Variants in FAM20C observed in about 807,000 individuals in gnomAD.
FAM20C encodes FAM20C golgi associated secretory pathway kinase.
A neutral mutation model predicts 51.5 loss-of-function variants in FAM20C; 40 were observed. The ratio of observed to expected loss-of-function variants is 0.78; its 90% CI spans 0.60 to 1.01. The LOEUF is 1.01. Ranked by LOEUF, FAM20C falls within the 50% of genes least tolerant of loss-of-function variation. The pLI, the probability that FAM20C is intolerant of heterozygous loss-of-function variation, is 0.00. For synonymous variants in FAM20C, 406 were observed against 380.6 expected, an observed-to-expected ratio of 1.07 and a Z score of -0.78; for missense variants, 861 against 844.7, an observed-to-expected ratio of 1.02 and a Z score of -0.24.
intron 3 of FAM20C, among the ~76,000 whole-genome samples, chr7:218,113 A>G (rs1787089248): frequency 6.6e-6 from 1 of 152,168 alleles, no homozygotes; most frequent in African/African-American, 2.4e-5. Flanking sequence ...CCCGGGCCTC[A>G]GCCTCCTCGT....
rs565578160 is a variant in FAM20C, at chr7:246,314, C to T, written c.864-101C>T. 3.2e-4 allele frequency: 316 copies of T among 998,056 alleles called. 4 individuals carry two copies. The South Asian group carries it at 3.6e-3, about 12-fold the overall frequency. The allele number at this position is 998,056 out of a possible 1,614,324, so 61.8% of individuals were successfully genotyped here. ...TGGCCCTGAGGAGGCTGGAGCTCCA[C>T]CGCATTTTTCATATGAGGAACCCAG... On this transcript the variant is annotated intron_variant, in intron 3 of 9. Coordinates refer to ENST00000313766, the MANE Select transcript of FAM20C (RefSeq NM_020223.4).
chr7:210,655 C>T (rs1433779765), intron 3 of FAM20C, among the ~76,000 whole-genome samples: 1 of 152,126 alleles, frequency 6.6e-6, no homozygotes, highest in Non-Finnish European at 1.5e-5. Context: ...AGGAGCATCC[C>T]CTGGAGGGGT....
chr7:259,433 C>T (rs1025096829), intron 9 of FAM20C, among the ~76,000 whole-genome samples: 36 of 38,630 alleles, frequency 9.3e-4, no homozygotes, highest in Admixed American at 5.1e-3. Flanking sequence ...TCGTCTCTGC[C>T]GTCTCTATCT....
rs972824224 is a variant in FAM20C at position 193,550 on chromosome 7, C to G, written c.351C>G (p.Ala117=). The part of the protein sequence containing the change: ...LEKLPPAAEP[A]ERALRGRDPG... ...AACTGCCGCCCGCGGCCGAGCCGGC[C>G]GAGCGCGCCTTGCGGGGGCGGGATC... The change falls in exon 1 of 10, where the codon GCC becomes GCG. Residue 117 remains alanine, a synonymous_variant. Coordinates refer to ENST00000313766, the MANE Select transcript of FAM20C (RefSeq NM_020223.4). 13 of 1,495,534 alleles carry G rather than the reference C, an allele frequency of 8.7e-6. No individual in the cohort carries two copies. The highest frequency in any genetic ancestry group is 1.2e-5 in the Non-Finnish European group (13 of 1,119,844). 92.6% of individuals were successfully genotyped at this position (1,495,534 alleles called of 1,614,324 possible).
intron 5 of FAM20C, among the ~76,000 whole-genome samples, chr7:250,987 C>T (rs956011307): frequency 2.0e-5 from 3 of 152,246 alleles, no homozygotes; most frequent in African/African-American, 2.4e-5. Flanking sequence ...TTGAAAGAGA[C>T]GGTCACAGGG....
intron 3 of FAM20C, among the ~76,000 whole-genome samples, chr7:212,593 G>C (rs113682657): frequency 1.1e-4 from 16 of 152,314 alleles, no homozygotes; most frequent in African/African-American, 3.6e-4. Context: ...TGCGGTGAGA[G>C]GGTGTAGGTG....
chr7:216,387 GTA>G, intron 3 of FAM20C, among the ~76,000 whole-genome samples: 1 of 60,996 alleles, frequency 1.6e-5, no homozygotes, highest in African/African-American at 7.9e-5. Flanking sequence ...GGCCCGTGGT[GTA>G]TGGAGAGGAT....
chr7:214,356 T>C (rs1279791864), intron 3 of FAM20C, among the ~76,000 whole-genome samples: 1 of 152,190 alleles, frequency 6.6e-6, no homozygotes, highest in Non-Finnish European at 1.5e-5. Context: ...ATGTTCTAAA[T>C]ACAAGACCTT....
intron 2 of FAM20C, 95 bp downstream of exon 2, chr7:195,827 G>A (rs1583273931): frequency 2.4e-6 from 3 of 1,245,204 alleles, no homozygotes; most frequent in Non-Finnish European, 3.1e-6. Flanking sequence ...GGTCTGGGAG[G>A]CCGTTGCTCA....
At chr7:237,723 A>C (rs1787889510) in intron 3 of FAM20C, among the ~76,000 whole-genome samples, 1 of 129,454 alleles carries the variant, frequency 7.7e-6, no homozygotes, top group Admixed American at 7.7e-5. Context: ...ATGGTGATGA[A>C]GGATGGTAAT....
At chr7:252,593 C>A (rs1479561131) in intron 5 of FAM20C, among the ~76,000 whole-genome samples, 1 of 152,228 alleles carries the variant, frequency 6.6e-6, no homozygotes, top group Non-Finnish European at 1.5e-5. Context: ...CCTGAGTGAC[C>A]CTCCCGTGGG....
intron 9 of FAM20C, 100 bp downstream of exon 9, chr7:258,805 A>T (rs1788752794): frequency 8.5e-7 from 1 of 1,183,408 alleles, no homozygotes; most frequent in East Asian, 2.6e-5. Context: ...CGGCCATCAC[A>T]TGGGAGAGAA....
Position 200,535 on chromosome 7 carries a change from CAG to C in FAM20C, c.784+4807_784+4808del, listed in dbSNP as rs1473440350. 2.6e-5 allele frequency among the ~76,000 whole-genome samples: 4 copies of C among 152,236 alleles called. No homozygotes were observed. The East Asian group carries it at 7.7e-4, about 29-fold the overall frequency. On this transcript the variant is annotated intron_variant, in intron 2 of 9. Transcript: ENST00000313766. ...CAGGCACCGGCCTCCCCGTGCTGAG[CAG>C]AGACAGCAGCCCCCTAGCTGCAGGA...
chr7:249,224 G>A (rs886243222), intron 5 of FAM20C, among the ~76,000 whole-genome samples: 5 of 151,616 alleles, frequency 3.3e-5, no homozygotes, highest in Admixed American at 6.6e-5. Context: ...CAGGGTGGGC[G>A]GCCTCCCCCG....
intron 3 of FAM20C, among the ~76,000 whole-genome samples, chr7:233,817 C>A (rs1787771429): frequency 4.6e-5 from 7 of 152,220 alleles, no homozygotes; most frequent in Admixed American, 4.6e-4. Flanking sequence ...CCACGAAAGG[C>A]CTGGGAGAGG....
intron 3 of FAM20C, among the ~76,000 whole-genome samples, chr7:216,684 A>AGAGACAGAGTGTGTGAGTGTGTGTGT (rs1562376383): frequency 6.7e-6 from 1 of 149,376 alleles, no homozygotes. Context: ...TGTGTGTGAG[A>AGAGACAGAGTGTGTGAGTGTGTGTGT]GTGTGTGTGT....
Position 241,263 on chromosome 7 carries a change from ACTGC to A in FAM20C, c.864-5147_864-5144del, listed in dbSNP as rs1276756228. ...GGGAGCGGAGCCCAGAGTAGAATTCACTGCCTGCTGCCCTCTGCCCGGGAGCAGA... is the reference window on the plus strand; with the variant it reads ...GGGAGCGGAGCCCAGAGTAGAATTCACTGCTGCCCTCTGCCCGGGAGCAGA... On this transcript the variant is annotated intron_variant, in intron 3 of 9. Transcript: ENST00000313766. 6.0e-4 allele frequency among the ~76,000 whole-genome samples: 92 copies of A among 152,230 alleles called. No individual in the cohort carries two copies. The Middle Eastern group carries it at 0.02, about 34-fold the overall frequency.
Position 210,080 on chromosome 7 carries a change from A to C in FAM20C, c.863+1104A>C, listed in dbSNP as rs563294646. 5.3e-5 allele frequency among the ~76,000 whole-genome samples: 8 copies of C among 152,334 alleles called. No homozygotes were observed. The South Asian group carries it at 1.2e-3, about 24-fold the overall frequency. On this transcript the variant is annotated intron_variant, in intron 3 of 9. Coordinates refer to ENST00000313766, the MANE Select transcript of FAM20C (RefSeq NM_020223.4). Reference sequence around the variant, plus strand: ...CGAGGGCATCCCCGCTCACACGCTCACACAGGGCCGGGGAGCAGCCGTTCA... The same window carrying C: ...CGAGGGCATCCCCGCTCACACGCTCCCACAGGGCCGGGGAGCAGCCGTTCA...
intron 4 of FAM20C, among the ~76,000 whole-genome samples, chr7:247,320 G>A (rs1583331951): frequency 1.3e-5 from 2 of 152,186 alleles, no homozygotes; most frequent in South Asian, 2.1e-4. Context: ...GAGGGGCCCC[G>A]TGGATTGAAG....
Sources: allele counts gnomAD v4.1 joint callset (sites outside exome capture counted in the v4.1 genomes callset), GRCh38; gene constraint gnomAD v4.1.1; transcripts MANE v1.5; gene names NCBI Gene and HGNC (gene_info 2026-07-23, HGNC 2026-07-21).